EGF: variants seen among roughly 807,000 people sequenced by gnomAD.
EGF encodes epidermal growth factor.
Under a neutral mutation model 143.8 loss-of-function variants are expected in EGF, and 95 were observed. That is an observed-to-expected ratio of 0.66 (90% CI 0.56 to 0.78). The LOEUF (loss-of-function observed/expected upper bound fraction) is 0.78, where lower values mean the gene tolerates loss of function less well. Ranked by LOEUF, EGF falls within the 30% of genes least tolerant of loss-of-function variation. EGF has a pLI of 0.00. For missense variants in EGF, 1,320 were observed against 1,470.9 expected, an observed-to-expected ratio of 0.90 and a Z score of 1.68; for synonymous variants, 510 against 510.5, an observed-to-expected ratio of 1.00 and a Z score of 0.01.
At chr4:109,948,514 T>C (rs1743242461) in intron 5 of EGF, among the ~76,000 whole-genome samples, 2 of 152,174 alleles carry the variant, frequency 1.3e-5, no homozygotes, top group Admixed American at 6.5e-5. Context: ...GGATGAAGTC[T>C]GGCTCTGTTG....
At chr4:109,975,721 A>G in intron 12 of EGF, among the ~76,000 whole-genome samples, 1 of 152,354 alleles carries the variant, frequency 6.6e-6, no homozygotes, top group Middle Eastern at 3.4e-3. Flanking sequence ...CTATTTACTC[A>G]TGACTATTTT....
At chr4:109,978,202 T>A (rs925239660) in intron 13 of EGF, among the ~76,000 whole-genome samples, 1 of 152,244 alleles carries the variant, frequency 6.6e-6, no homozygotes, top group Non-Finnish European at 1.5e-5. Flanking sequence ...AATGCATTTG[T>A]TAATTGGCTA....
chr4:109,949,937 G>A lies in EGF; in HGVS notation c.940+4662G>A, dbSNP rs377619121. Reference sequence around the variant, plus strand: ...TGCTGCAGATATGTCTGCATGCTGCGCCCCAAGTCAAAGTAATAGAGCCAC... The same window carrying A: ...TGCTGCAGATATGTCTGCATGCTGCACCCCAAGTCAAAGTAATAGAGCCAC... On this transcript the variant is annotated intron_variant, in intron 5 of 23. Transcript: ENST00000265171. Among the ~76,000 whole-genome samples, 32 of 152,182 alleles carry A rather than the reference G, an allele frequency of 2.1e-4. No homozygotes were observed. The East Asian group carries it at 2.7e-3, about 13-fold the overall frequency.
intron 15 of EGF, 34 bp from the exon 16 acceptor site, chr4:109,983,388 G>C (rs868321030): frequency 1.9e-6 from 3 of 1,609,856 alleles, no homozygotes; most frequent in Middle Eastern, 3.3e-4. Context: ...AAACAGAAAA[G>C]CTAAATTTAA....
chr4:109,955,125 C>T (rs1458621547), intron 5 of EGF, among the ~76,000 whole-genome samples: 1 of 152,084 alleles, frequency 6.6e-6, no homozygotes, highest in Non-Finnish European at 1.5e-5. Flanking sequence ...TGGAAAAAAA[C>T]AGGAAACGGA....
intron 9 of EGF, among the ~76,000 whole-genome samples, chr4:109,964,039 T>G (rs1746140980): frequency 6.6e-6 from 1 of 152,212 alleles, no homozygotes; most frequent in South Asian, 2.1e-4. Context: ...GACATGAAAG[T>G]ATACAATCTA....
At chr4:109,919,285 C>G (rs1244249478) in intron 1 of EGF, among the ~76,000 whole-genome samples, 1 of 108,010 alleles carries the variant, frequency 9.3e-6, no homozygotes, top group Non-Finnish European at 1.9e-5. Context: ...GCATGCTTCT[C>G]TGTCTCTCTC....
At chr4:109,968,081 A>C (rs1211325479) in intron 10 of EGF, among the ~76,000 whole-genome samples, 1 of 151,714 alleles carries the variant, frequency 6.6e-6, no homozygotes, top group Non-Finnish European at 1.5e-5. Flanking sequence ...TAAACTTATA[A>C]GAAAAGTAAT....
At chr4:110,008,004 T>C (rs1478364263) in intron 22 of EGF, 148 bp from the exon 23 acceptor site, 4 of 758,778 alleles carry the variant, frequency 5.3e-6, no homozygotes, top group Non-Finnish European at 9.3e-6. Context: ...TCTCTTTAGA[T>C]AGAAAGACTA....
intron 16 of EGF, among the ~76,000 whole-genome samples, chr4:109,984,247 A>AAT (rs34035044): frequency 2.0e-5 from 2 of 98,174 alleles, no homozygotes; most frequent in East Asian, 1.0e-3. Flanking sequence ...TGTATGTGGC[A>AAT]AAAAAAAAAA....
intron 1 of EGF, among the ~76,000 whole-genome samples, chr4:109,923,313 C>T (rs1156927936): frequency 2.0e-5 from 3 of 151,458 alleles, no homozygotes; most frequent in Non-Finnish European, 4.4e-5. Context: ...TTAATTTTAC[C>T]TCATTTTTGT....
chr4:109,982,575 G>A (rs370696176), intron 15 of EGF, among the ~76,000 whole-genome samples: 10 of 151,480 alleles, frequency 6.6e-5, no homozygotes, highest in African/African-American at 2.2e-4. Flanking sequence ...TGATCCACCC[G>A]CCTTGGCCTC....
At chr4:109,941,714 G>A (rs560206567) in intron 2 of EGF, among the ~76,000 whole-genome samples, 1 of 152,134 alleles carries the variant, frequency 6.6e-6, no homozygotes. Context: ...TAAAATCTCC[G>A]TCATGGGTTT....
Position 109,940,954 on chromosome 4 carries a change from C to G in EGF, c.136C>G (p.Pro46Ala). ...TCTTTCTTCCCACCCAGGTCCTGCA[C>G]CCTTCTTAATTTTCTCCCATGGAAA... is the stretch of plus-strand genomic sequence containing the variant. Reference protein sequence around the residue: ...NGNSTCVGPAPFLIFSHGNSI... With the variant: ...NGNSTCVGPAAFLIFSHGNSI... The change falls in exon 2 of 24, where the codon CCC (proline) becomes GCC (alanine). Residue 46 changes from proline to alanine, a missense_variant. By Grantham distance (27) the Pro-to-Ala change is conservative. Around this residue, in one of 5 missense-constraint regions of EGF, gnomAD observed 79 missense variants for 71.2 expected, o/e 1.11. Transcript: ENST00000265171. The G allele has an allele frequency of 1.2e-6, 2 of 1,614,016 alleles. No homozygotes were observed. Among genetic ancestry groups the G allele is most frequent in the East Asian group, 2.2e-5 (1 of 44,850 alleles).
intron 1 of EGF, among the ~76,000 whole-genome samples, chr4:109,914,939 G>A (rs913957830): frequency 1.3e-5 from 2 of 152,164 alleles, no homozygotes; most frequent in South Asian, 2.1e-4. Flanking sequence ...TGGTTGGGCC[G>A]ATCTATCAGG....
intron 1 of EGF, chr4:109,940,705 T>C: frequency 2.0e-6 from 1 of 490,566 alleles, no homozygotes. Context: ...CTTCAGAGAG[T>C]TCATTTTTCA....
intron 1 of EGF, among the ~76,000 whole-genome samples, chr4:109,927,116 T>C (rs949006241): frequency 2.6e-5 from 4 of 152,234 alleles, no homozygotes; most frequent in African/African-American, 9.6e-5. Context: ...AAGATAGAAA[T>C]TTGCTGGTCT....
intron 16 of EGF, among the ~76,000 whole-genome samples, chr4:109,987,154 C>T (rs11569039): frequency 0.03 from 4,555 of 152,144 alleles, 218 homozygotes; most frequent in African/African-American, 0.1. Context: ...TTGCTTCTAG[C>T]AATTTTATAA....
At position 109,913,213 on chromosome 4, in the gene EGF, T is replaced by C; in HGVS notation, c.-123T>C. 1 of 1,211,282 alleles carries C rather than the reference T, an allele frequency of 8.3e-7. No homozygotes were observed. Among genetic ancestry groups the C allele is most frequent in the Non-Finnish European group, 1.2e-6 (1 of 829,524 alleles). The allele number at this position is 1,211,282 out of a possible 1,614,324, so 75.0% of individuals were successfully genotyped here. On this transcript the variant is annotated 5_prime_UTR_variant, in exon 1 of 24. An upstream start codon of the reference 5' UTR is lost. Coordinates refer to ENST00000265171, the MANE Select transcript of EGF (RefSeq NM_001963.6). Reference sequence around the variant, plus strand: ...AACAGCACAACAGGAGAGTAAAAGATGCCCCAGGGCTGAGGCCTCCGCTCA... The same window carrying C: ...AACAGCACAACAGGAGAGTAAAAGACGCCCCAGGGCTGAGGCCTCCGCTCA...
Sources: allele counts gnomAD v4.1 joint callset (sites outside exome capture counted in the v4.1 genomes callset), GRCh38; gene constraint gnomAD v4.1.1; regional missense constraint gnomAD v4.1.1; transcripts MANE v1.5; gene names NCBI Gene and HGNC (gene_info 2026-07-23, HGNC 2026-07-21).